Variants in SPON1 observed in about 807,000 individuals in gnomAD.
The protein encoded by SPON1 is spondin 1.
SPON1 carries 52 observed loss-of-function variants against 111.7 expected under a neutral mutation model. That is an observed-to-expected ratio of 0.47 (90% CI 0.37 to 0.59). SPON1 has a LOEUF of 0.59. SPON1 is among the 20% of genes least tolerant of loss of function. SPON1 has a pLI of 0.00. For missense variants in SPON1, 957 were observed against 1,068.5 expected (o/e 0.90, Z 1.46); for synonymous variants, 410 against 395.8 (o/e 1.04, Z -0.43).
At chr11:14,107,862 T>C (rs1308809738) in intron 5 of SPON1, among the ~76,000 whole-genome samples, 1 of 152,154 alleles carries the variant, frequency 6.6e-6, no homozygotes, top group Non-Finnish European at 1.5e-5. Flanking sequence ...ATATTGTATA[T>C]AGTTTGAACA....
At chr11:14,168,206 G>T (rs1345146117) in intron 6 of SPON1, among the ~76,000 whole-genome samples, 3 of 152,080 alleles carry the variant, frequency 2.0e-5, no homozygotes, top group African/African-American at 7.2e-5. Flanking sequence ...ATTTTCAAAA[G>T]TCAAACAGTT....
At chr11:14,262,348 T>C (rs1355902369) in intron 14 of SPON1, 9 of 242,924 alleles carry the variant, frequency 3.7e-5, no homozygotes, top group Non-Finnish European at 5.7e-5. Flanking sequence ...CTGAAAAATA[T>C]CACCAGTGAG....
intron 5 of SPON1, among the ~76,000 whole-genome samples, chr11:14,084,238 T>A (rs1365806378): frequency 6.6e-6 from 1 of 152,046 alleles, no homozygotes; most frequent in Non-Finnish European, 1.5e-5. Flanking sequence ...TATCAACCCA[T>A]TATCTAGGTT....
At chr11:14,034,144 T>TA (rs1176778986) in intron 2 of SPON1, among the ~76,000 whole-genome samples, 2 of 151,948 alleles carry the variant, frequency 1.3e-5, no homozygotes, top group Non-Finnish European at 2.9e-5. Flanking sequence ...AGATCCTATT[T>TA]AAAAAAAGAA....
At chr11:14,017,441 C>T (rs1486232448) in intron 2 of SPON1, among the ~76,000 whole-genome samples, 1 of 152,206 alleles carries the variant, frequency 6.6e-6, no homozygotes, top group African/African-American at 2.4e-5. Flanking sequence ...AGCTTCTCTT[C>T]TCGTGTGCCT....
chr11:14,041,230 T>C (rs1848628810), intron 2 of SPON1, among the ~76,000 whole-genome samples: 1 of 152,218 alleles, frequency 6.6e-6, no homozygotes, highest in African/African-American at 2.4e-5. Context: ...CAGGTCGTTC[T>C]ATTGAAATAA....
At chr11:14,058,009 C>T (rs1157196304) in intron 3 of SPON1, among the ~76,000 whole-genome samples, 1 of 151,794 alleles carries the variant, frequency 6.6e-6, no homozygotes, top group Non-Finnish European at 1.5e-5. Context: ...AGAGTGAGAC[C>T]CTGTCTCAAA....
rs117360519 is a variant in SPON1 at position 13,971,014 on chromosome 11, T to C, written c.238+7872T>C. Among the ~76,000 whole-genome samples, 511 of 152,270 alleles carry C rather than the reference T, an allele frequency of 3.4e-3. 5 individuals are homozygous for C. The East Asian group carries it at 0.039, about 12-fold the overall frequency. On this transcript the variant is annotated intron_variant, in intron 1 of 15. Transcript: ENST00000576479. Reference sequence around the variant, plus strand: ...ATTTGTTGAAAAAAATAAAGTATCATTGAAGCCCCAAGAACCCTGGTGTGA... The same window carrying C: ...ATTTGTTGAAAAAAATAAAGTATCACTGAAGCCCCAAGAACCCTGGTGTGA...
intron 6 of SPON1, among the ~76,000 whole-genome samples, chr11:14,201,342 CAAAACAAA>C (rs1848460881): frequency 1.3e-5 from 1 of 78,128 alleles, no homozygotes; most frequent in Non-Finnish European, 2.3e-5. Context: ...CCCATTTAAC[CAAAACAAA>C]AAAACAAAAA....
intron 6 of SPON1, among the ~76,000 whole-genome samples, chr11:14,209,418 C>T (rs552975083): frequency 6.6e-6 from 1 of 152,154 alleles, no homozygotes; most frequent in African/African-American, 2.4e-5. Context: ...CCTAGCCCCC[C>T]ACACCCCGAC....
intron 15 of SPON1, among the ~76,000 whole-genome samples, chr11:14,264,010 C>T (rs1260087113): frequency 1.4e-5 from 2 of 144,982 alleles, no homozygotes; most frequent in African/African-American, 5.1e-5. Flanking sequence ...GTCTGGGCAA[C>T]AAGAGTGAAA....
intron 3 of SPON1, among the ~76,000 whole-genome samples, chr11:14,056,815 T>C (rs1299578633): frequency 2.6e-5 from 4 of 152,064 alleles, no homozygotes; most frequent in African/African-American, 9.7e-5. Context: ...GGTGTGAACC[T>C]GGGAAGCGGA....
intron 7 of SPON1, among the ~76,000 whole-genome samples, chr11:14,249,619 T>C (rs1411771289): frequency 2.0e-5 from 3 of 152,340 alleles, no homozygotes; most frequent in African/African-American, 7.2e-5. Flanking sequence ...ATGAGTGTTT[T>C]AGGAAACCCT....
At chr11:13,982,446 C>G (rs1245861896) in intron 1 of SPON1, among the ~76,000 whole-genome samples, 1 of 152,204 alleles carries the variant, frequency 6.6e-6, no homozygotes, top group Admixed American at 6.5e-5. Flanking sequence ...GCCTCTGCCA[C>G]AAAGGTCATC....
In SPON1 at chr11:14,262,803, A is replaced by C; in HGVS notation, c.2088A>C (p.Gln696His). ...ACGTGATTCGAACCCGGATGATCCAAATGGAGCCTCAGTTTGGAGGTGCAC... is the reference window on the plus strand; with the variant it reads ...ACGTGATTCGAACCCGGATGATCCACATGGAGCCTCAGTTTGGAGGTGCAC... ...KGHVIRTRMIQMEPQFGGAPC... is the reference protein window; with the variant it reads ...KGHVIRTRMIHMEPQFGGAPC... The change falls in exon 15 of 16, where the codon CAA (glutamine) becomes CAC (histidine). Residue 696 changes from glutamine to histidine, a missense_variant. Physicochemically the swap from Gln to His is conservative, Grantham distance 24. This residue lies in a region of SPON1 where 549 missense variants were observed against 606.2 expected (regional missense o/e 0.91). Transcript: ENST00000576479. 1 of 1,613,874 alleles carries C rather than the reference A, an allele frequency of 6.2e-7. No homozygotes were observed.
chr11:14,239,540 A>T (rs566202496), intron 6 of SPON1, among the ~76,000 whole-genome samples: 1 of 152,270 alleles, frequency 6.6e-6, no homozygotes, highest in Non-Finnish European at 1.5e-5. Context: ...AACATGGGCA[A>T]TGTGGCGAAA....
chr11:14,027,688 G>C (rs747554701), intron 2 of SPON1, among the ~76,000 whole-genome samples: 8 of 152,196 alleles, frequency 5.3e-5, no homozygotes, highest in Non-Finnish European at 1.2e-4. Flanking sequence ...GGCGGAGCAG[G>C]ATAGAGAGAT....
Position 14,266,820 on chromosome 11 carries a change from A to C in SPON1, c.*1133A>C, listed in dbSNP as rs1465865734. On this transcript the variant is annotated 3_prime_UTR_variant, in exon 16 of 16. Coordinates refer to ENST00000576479, the MANE Select transcript of SPON1 (RefSeq NM_006108.4). ...GAGCAAGCAATTCTGGTGGAAAGTC[A>C]AACCTGTCAGTGCTCCACACCAGGG... The C allele has an allele frequency of 4.6e-5, 7 of 152,152 alleles. No individual in the cohort carries two copies. Among genetic ancestry groups the C allele is most frequent in the Admixed American group, 4.6e-4 (7 of 15,274 alleles). 9.4% of individuals were successfully genotyped at this position (152,152 alleles called of 1,614,324 possible).
rs782102884 is a variant in SPON1, at chr11:14,254,556, G to A, written c.919G>A (p.Val307Met). ...VRAAPSAEFS[V>M]DRTRHLMSFL... The stretch of plus-strand genomic sequence containing the variant: ...AGCAGCACCTTCAGCTGAATTTTCC[G>A]TGGACAGAACGCGCCATTTAATGTC... Residue 307 changes from valine to methionine, a missense_variant, in exon 8 of 16, where the codon GTG (valine) becomes ATG (methionine). Val to Met is a conservative substitution (Grantham distance 21). Coordinates refer to ENST00000576479, the MANE Select transcript of SPON1 (RefSeq NM_006108.4). The A allele has an allele frequency of 2.8e-5, 45 of 1,609,464 alleles. 1 individual carries two copies. Among genetic ancestry groups the A allele is most frequent in the South Asian group, 2.1e-4 (19 of 90,368 alleles).
Sources: gnomAD v4.1 joint callset for allele counts (sites outside exome capture counted in the v4.1 genomes callset) on GRCh38, gnomAD v4.1.1 for gene constraint, gnomAD v4.1.1 regional missense constraint, MANE v1.5 for transcripts, NCBI Gene and HGNC (gene_info 2026-07-23, HGNC 2026-07-21) for gene names.